The following ANKRD24 variants were observed in gnomAD, a reference collection of about 807,000 sequenced individuals.
The protein encoded by ANKRD24 is ankyrin repeat domain 24, also known as ankyrin repeat domain-containing protein 24.
Under a neutral mutation model 127.8 loss-of-function variants are expected in ANKRD24, and 109 were observed. The observed-to-expected ratio is 0.85, with a 90% CI of 0.73 to 1.00. The LOEUF (loss-of-function observed/expected upper bound fraction) is 1.00, where lower values mean the gene tolerates loss of function less well. Among genes scored for constraint, ANKRD24 ranks in the 50% least tolerant of loss-of-function variants. The pLI is 0.00. For synonymous variants in ANKRD24, 743 were observed against 671.1 expected (o/e 1.11, Z -1.66); for missense variants, 1,648 against 1,570.2 (o/e 1.05, Z -0.84).
At chr19:4,208,063 T>C (rs1012714011) in intron 10 of ANKRD24, 95 bp downstream of exon 10, 79 of 1,291,914 alleles carry the variant, frequency 6.1e-5, no homozygotes, top group Non-Finnish European at 7.5e-5. Context: ...GTACCCCCGA[T>C]TGGCTGCATT....
intron 16 of ANKRD24, 108 bp downstream of exon 16, chr19:4,216,158 T>C (rs1970053995): frequency 7.1e-7 from 1 of 1,403,136 alleles, no homozygotes; most frequent in Non-Finnish European, 9.8e-7. Context: ...AGGTTTGTAC[T>C]CATCCGTTTT....
Position 4,200,143 on chromosome 19 carries a change from C to T in ANKRD24, c.315C>T (p.Gly105=), listed in dbSNP as rs746444011. 6.2e-7 allele frequency: 1 copy of T among 1,607,356 alleles called. No homozygotes were observed. The highest frequency in any genetic ancestry group is 8.5e-7 in the Non-Finnish European group (1 of 1,177,244). The change falls in exon 5 of 22, where the codon GGC becomes GGT. Residue 105 remains glycine, a synonymous_variant. Transcript: ENST00000318934. ...ASCLEVMIAH[G]SNVMSADGAG... ...GTCTGGAGGTGATGATAGCTCATGG[C>T]AGCAATGTCATGAGCGCGGACGGGG... is the stretch of plus-strand genomic sequence containing the variant.
intron 11 of ANKRD24, 198 bp downstream of exon 11, chr19:4,208,999 G>GGT: frequency 2.6e-6 from 1 of 384,764 alleles, no homozygotes; most frequent in Non-Finnish European, 4.8e-6. Context: ...GAGAATACTG[G>GGT]ATGGGGCCAA....
intron 17 of ANKRD24, 34 bp downstream of exon 17, chr19:4,216,436 A>G: frequency 6.4e-7 from 1 of 1,556,946 alleles, no homozygotes; most frequent in Non-Finnish European, 8.7e-7. Flanking sequence ...AGATCTGAGG[A>G]CCTAGGGCTG....
chr19:4,218,676 T>G (rs1296805039), intron 18 of ANKRD24, among the ~76,000 whole-genome samples: 1 of 151,582 alleles, frequency 6.6e-6, no homozygotes, highest in South Asian at 2.1e-4. Flanking sequence ...TTCTTTCTCT[T>G]TATTTCTCCT....
chr19:4,204,971 C>T (rs1183175144), intron 7 of ANKRD24, among the ~76,000 whole-genome samples: 2 of 152,144 alleles, frequency 1.3e-5, no homozygotes, highest in Admixed American at 6.5e-5. Context: ...GGTGCAGTGG[C>T]TCACGCCTAT....
At chr19:4,219,855 A>T in intron 19 of ANKRD24, 97 bp downstream of exon 19, 1 of 1,347,466 alleles carries the variant, frequency 7.4e-7, no homozygotes, top group Non-Finnish European at 9.8e-7. Context: ...GCCTTGGAAA[A>T]TCAACCCATT....
chr19:4,203,237 C>T (rs558599030), intron 7 of ANKRD24, among the ~76,000 whole-genome samples: 8 of 152,132 alleles, frequency 5.3e-5, no homozygotes, highest in South Asian at 4.1e-4. Context: ...TTAGTAAAGA[C>T]GGGGTTTCAC....
rs1308444444 is a variant in ANKRD24, at chr19:4,198,871, T to C, written c.37-812T>C. ...TTGGAAGCTATTTTGGGAGAGCCGA[T>C]TTTGCGAAGAGGTAATGATTTGGAG... is the stretch of plus-strand genomic sequence containing the variant. On this transcript the variant is annotated intron_variant, in intron 2 of 21. Coordinates refer to ENST00000318934, the MANE Select transcript of ANKRD24 (RefSeq NM_001393985.1). This position sits in a 1 kb window ranked among gnomAD's most constrained non-coding sequence, Gnocchi z 6.1. Among the ~76,000 whole-genome samples, 1 of 152,048 alleles carries C rather than the reference T, an allele frequency of 6.6e-6. No individual in the cohort carries two copies. Among genetic ancestry groups the C allele is most frequent in the African/African-American group, 2.4e-5 (1 of 41,378 alleles).
rs1230991772 is a variant in ANKRD24, at chr19:4,199,225, T to C, written c.37-458T>C. On this transcript the variant is annotated intron_variant, in intron 2 of 21. Transcript: ENST00000318934. The surrounding 1 kb of genome is among the most constrained non-coding windows in gnomAD (Gnocchi z 5.2). ...GGGGGCGATGTTGCAGGGGTGGCTT[T>C]CACTAAGGGATGAATTGGGGGACAA... Among the ~76,000 whole-genome samples, 1 of 151,952 alleles carries C rather than the reference T, an allele frequency of 6.6e-6. No individual in the cohort carries two copies. Among genetic ancestry groups the C allele is most frequent in the East Asian group, 1.9e-4 (1 of 5,172 alleles).
chr19:4,218,233 G>A, intron 18 of ANKRD24, 70 bp downstream of exon 18: 4 of 1,355,582 alleles, frequency 3.0e-6, no homozygotes, highest in Non-Finnish European at 3.8e-6. Flanking sequence ...TAGCCCCGCA[G>A]CCTTGAGGTG....
intron 5 of ANKRD24, 120 bp from the exon 6 acceptor site, chr19:4,201,906 C>G: frequency 2.4e-6 from 2 of 828,906 alleles, no homozygotes; most frequent in Non-Finnish European, 4.1e-6. Flanking sequence ...GAGAGAAATA[C>G]TAGGGTTTAC....
rs373375286 is a variant in ANKRD24 at position 4,216,430 on chromosome 19, C to G, written c.1389+28C>G. 10 of 1,558,038 alleles carry G rather than the reference C, an allele frequency of 6.4e-6. No individual in the cohort carries two copies. In the African/African-American group the frequency reaches 1.2e-4, roughly 19 times the overall value. On this transcript the variant is annotated intron_variant, in intron 17 of 21. Transcript: ENST00000318934. ...AGGGAAAGTGAGGCTGGGGACAGAT[C>G]TGAGGACCTAGGGCTGGTTCCCTGA...
At chr19:4,186,234 C>G in intron 1 of ANKRD24, 156 bp from the exon 2 acceptor site, 6 of 1,418,518 alleles carry the variant, frequency 4.2e-6, no homozygotes, top group Non-Finnish European at 5.5e-6. Flanking sequence ...AAAGGACACA[C>G]AGCAGGTAGG....
intron 1 of ANKRD24, chr19:4,183,438 A>G (rs888031908): frequency 7.7e-6 from 6 of 782,484 alleles, no homozygotes; most frequent in African/African-American, 7.5e-5. Flanking sequence ...GGTACCATCT[A>G]TGCCCTGGTG....
At chr19:4,183,689 G>C (rs761881526) in intron 1 of ANKRD24, among the ~76,000 whole-genome samples, 3 of 152,036 alleles carry the variant, frequency 2.0e-5, no homozygotes, top group Admixed American at 6.6e-5. Flanking sequence ...CAAGGCAGGT[G>C]GATCACCTGA....
Position 4,199,552 on chromosome 19 carries a change from C to T in ANKRD24, c.37-131C>T. Reference sequence around the variant, plus strand: ...TGGAAATAGATGCCAGGGGGCTGCTCAGGGGATGATGCTGGTGGTGGGCTT... The same window carrying T: ...TGGAAATAGATGCCAGGGGGCTGCTTAGGGGATGATGCTGGTGGTGGGCTT... On this transcript the variant is annotated intron_variant, in intron 2 of 21. Coordinates refer to ENST00000318934, the MANE Select transcript of ANKRD24 (RefSeq NM_001393985.1). This position sits in a 1 kb window ranked among gnomAD's most constrained non-coding sequence, Gnocchi z 5.2. 1 of 1,429,562 alleles carries T rather than the reference C, an allele frequency of 7.0e-7. No homozygotes were observed. Among genetic ancestry groups the T allele is most frequent in the Non-Finnish European group, 9.1e-7 (1 of 1,096,206 alleles). 88.6% of individuals were successfully genotyped at this position (1,429,562 alleles called of 1,614,324 possible).
Position 4,224,148 on chromosome 19 carries a change from A to T in ANKRD24, c.3319A>T (p.Ser1107Cys), listed in dbSNP as rs1389933084. 2 of 1,612,772 alleles carry T rather than the reference A, an allele frequency of 1.2e-6. No individual in the cohort carries two copies. Among genetic ancestry groups the T allele is most frequent in the African/African-American group, 2.7e-5 (2 of 74,902 alleles). ...QLQEAARDHS[S>C]VVALYRSHLL... Reference sequence around the variant, plus strand: ...ACAGGAAGCTGCCAGGGACCACTCCAGCGTGGTGGCTTTGTACAGAAGCCA... The same window carrying T: ...ACAGGAAGCTGCCAGGGACCACTCCTGCGTGGTGGCTTTGTACAGAAGCCA... The change falls in exon 21 of 22, where the codon AGC (serine) becomes TGC (cysteine). Residue 1107 changes from serine (S) to cysteine (C), a missense_variant. By Grantham distance (112) the Ser-to-Cys change is moderately radical (BLOSUM62 -1). Coordinates refer to ENST00000318934, the MANE Select transcript of ANKRD24 (RefSeq NM_001393985.1).
intron 7 of ANKRD24, among the ~76,000 whole-genome samples, chr19:4,203,792 CTA>C: frequency 6.6e-6 from 1 of 151,644 alleles, no homozygotes; most frequent in Admixed American, 6.6e-5. Context: ...GACTACAGAC[CTA>C]TGCCACAACA....
Sources: allele counts gnomAD v4.1 joint callset (sites outside exome capture counted in the v4.1 genomes callset), GRCh38; gene constraint gnomAD v4.1.1; non-coding constraint Gnocchi (gnomAD v3.1); transcripts MANE v1.5; gene names NCBI Gene and HGNC (gene_info 2026-07-23, HGNC 2026-07-21).